ABCB11: variants seen among roughly 807,000 people sequenced by gnomAD.
The protein encoded by ABCB11 is ATP binding cassette subfamily B member 11.
A neutral mutation model predicts 148.0 loss-of-function variants in ABCB11; 95 were observed. That is an observed-to-expected ratio of 0.64 (90% confidence interval 0.54 to 0.76). ABCB11 has a LOEUF of 0.76. Among genes scored for constraint, ABCB11 ranks in the 30% least tolerant of loss-of-function variants. ABCB11 has a pLI of 0.00. For missense variants in ABCB11, 1,523 were observed against 1,617.8 expected (o/e 0.94, Z 1.01); for synonymous variants, 591 against 555.4 (o/e 1.06, Z -0.90).
rs370178660 is a variant in ABCB11 at position 168,923,982 on chromosome 2, C to T, written c.3766-160G>A. Reference sequence around the variant, plus strand: ...GGATTAAGCAAGTATTCCCTGAATGCAATGCATCAGTGATTTCAATGGCAG... The same window carrying T: ...GGATTAAGCAAGTATTCCCTGAATGTAATGCATCAGTGATTTCAATGGCAG... On this transcript the variant is annotated intron_variant, in intron 27 of 27. Transcript: ENST00000650372. Among the ~76,000 whole-genome samples, 29 of 152,228 alleles carry T rather than the reference C, an allele frequency of 1.9e-4. No individual in the cohort carries two copies. The East Asian group carries it at 2.1e-3, about 11-fold the overall frequency.
chr2:168,950,021 G>C (rs1389610375), intron 19 of ABCB11, among the ~76,000 whole-genome samples: 1 of 150,988 alleles, frequency 6.6e-6, no homozygotes, highest in East Asian at 2.0e-4. Context: ...GGCCTTCCTT[G>C]CCCCTCAAGC....
downstream of ABCB11, among the ~76,000 whole-genome samples, chr2:168,919,624 ATT>A (rs774341336): frequency 0.028 from 3,512 of 125,454 alleles, 138 homozygotes; most frequent in African/African-American, 0.095. Context: ...CTGTGACCTT[ATT>A]TTTTAAAAAA....
chr2:168,959,164 T>A (rs1267405664), intron 18 of ABCB11, among the ~76,000 whole-genome samples: 1 of 151,696 alleles, frequency 6.6e-6, no homozygotes, highest in Non-Finnish European at 1.5e-5. Flanking sequence ...CTGTGTCATG[T>A]CCATTTCATT....
At chr2:168,931,968 C>T (rs1412520781) in intron 24 of ABCB11, among the ~76,000 whole-genome samples, 1 of 152,156 alleles carries the variant, frequency 6.6e-6, no homozygotes. Context: ...CACACATACG[C>T]ACAACCTTAC....
At chr2:168,986,333 T>A in intron 9 of ABCB11, 49 bp from the exon 10 acceptor site, 1 of 1,517,774 alleles carries the variant, frequency 6.6e-7, no homozygotes, top group Non-Finnish European at 9.1e-7. Flanking sequence ...CAGCTCAAGT[T>A]ATAATGTTTA....
chr2:168,989,324 A>G (rs768766450), intron 9 of ABCB11, among the ~76,000 whole-genome samples: 5 of 152,040 alleles, frequency 3.3e-5, no homozygotes, highest in Non-Finnish European at 5.9e-5. Context: ...TAAGGATCAA[A>G]TTTCATTCTT....
chr2:168,987,594 T>A (rs1361531488), intron 9 of ABCB11, among the ~76,000 whole-genome samples: 1 of 152,096 alleles, frequency 6.6e-6, no homozygotes, highest in Non-Finnish European at 1.5e-5. Flanking sequence ...CATGTCTGGT[T>A]AATTTCTGTA....
intron 5 of ABCB11, among the ~76,000 whole-genome samples, chr2:169,007,964 G>T (rs572671383): frequency 6.6e-6 from 1 of 152,020 alleles, no homozygotes; most frequent in Non-Finnish European, 1.5e-5. Flanking sequence ...TTTTAAAAAG[G>T]GCTGAATACA....
chr2:168,994,142 C>A (rs1282364079), intron 7 of ABCB11, among the ~76,000 whole-genome samples: 1 of 151,964 alleles, frequency 6.6e-6, no homozygotes, highest in African/African-American at 2.4e-5. Flanking sequence ...TTTTGGAAAC[C>A]ATCTTATTTG....
At chr2:169,011,897 T>C (rs146210861) in intron 5 of ABCB11, among the ~76,000 whole-genome samples, 27 of 152,268 alleles carry the variant, frequency 1.8e-4, no homozygotes, top group African/African-American at 6.5e-4. Context: ...ACTTCTGGGC[T>C]CAAACAATCC....
intron 17 of ABCB11, among the ~76,000 whole-genome samples, chr2:168,967,391 T>C (rs1693365801): frequency 6.6e-6 from 1 of 152,024 alleles, no homozygotes; most frequent in Admixed American, 6.6e-5. Flanking sequence ...TTCAAACTGA[T>C]AAGGAAAAGA....
chr2:168,988,429 G>A (rs1694401444), intron 9 of ABCB11, among the ~76,000 whole-genome samples: 2 of 152,034 alleles, frequency 1.3e-5, no homozygotes, highest in Admixed American at 6.6e-5. Context: ...GCAAATAACA[G>A]TATTTTCTTC....
chr2:168,938,473 G>A (rs482508), intron 21 of ABCB11, among the ~76,000 whole-genome samples: 72,648 of 151,960 alleles, frequency 0.48, 17,756 homozygotes, highest in African/African-American at 0.56. Flanking sequence ...GAGTAGTCAG[G>A]TTCATAGACA....
intron 17 of ABCB11, 29 bp downstream of exon 17, chr2:168,968,398 T>C (rs750670193): frequency 1.2e-6 from 2 of 1,601,910 alleles, no homozygotes; most frequent in Non-Finnish European, 8.5e-7. Flanking sequence ...TTTGGAAAGC[T>C]TGTAATCTGC....
rs77774326 is a variant in ABCB11 at position 169,011,629 on chromosome 2, G to T, written c.389+1643C>A. On this transcript the variant is annotated intron_variant, in intron 5 of 27. Coordinates refer to ENST00000650372, the MANE Select transcript of ABCB11 (RefSeq NM_003742.4). ...CTGCATATGTTTTTAAATGATCATT[G>T]ACTGAATGATGGCTTACTAGGCTTA... Among the ~76,000 whole-genome samples, 1,422 of 152,190 alleles carry T rather than the reference G, an allele frequency of 9.3e-3. 25 individuals are homozygous for T. The highest frequency in any genetic ancestry group is 0.03 in the African/African-American group (1,263 of 41,534).
chr2:168,927,213 T>G lies in ABCB11; in HGVS notation c.3561A>C (p.Arg1187Ser). ...GAGCCTGTTTTGCAGCTGCTATGAC[T>G]CTTTCCATGGGAATTTCTTTGGTGT... ...GDNTKEIPME[R>S]VIAAAKQAQL... Residue 1187 changes from arginine (R) to serine (S), a missense_variant, in exon 26 of 28, where the codon AGA becomes AGC. Arg to Ser is a moderately radical substitution (Grantham distance 110, BLOSUM62 -1). Coordinates refer to ENST00000650372, the MANE Select transcript of ABCB11 (RefSeq NM_003742.4). 1 of 1,613,934 alleles carries G rather than the reference T, an allele frequency of 6.2e-7. No individual in the cohort carries two copies.
At chr2:169,002,944 AT>A (rs1346733885) in intron 5 of ABCB11, among the ~76,000 whole-genome samples, 1 of 152,052 alleles carries the variant, frequency 6.6e-6, no homozygotes, top group Non-Finnish European at 1.5e-5. Context: ...ACATTTTATT[AT>A]TTTTAAAAAA....
At chr2:168,939,293 C>T (rs1293133831) in intron 21 of ABCB11, among the ~76,000 whole-genome samples, 1 of 152,006 alleles carries the variant, frequency 6.6e-6, no homozygotes, top group Non-Finnish European at 1.5e-5. Flanking sequence ...TGAAAAGCAA[C>T]TCTAAAGTTT....
rs11568367 is a variant in ABCB11, at chr2:168,970,082, T to C, written c.1772A>G (p.Asn591Ser). Residue 591 changes from asparagine (N) to serine (S), a missense_variant, in exon 15 of 28, where the codon AAT (asparagine) becomes AGT (serine). Asn to Ser is a conservative substitution (Grantham distance 46, BLOSUM62 1). Coordinates refer to ENST00000650372, the MANE Select transcript of ABCB11 (RefSeq NM_003742.4). ...TTCTTGCACCATGGCTTCACTCTCA[T>C]TGTCCAGAGCTGAGGTGGCCATGTC... is the stretch of plus-strand genomic sequence containing the variant. ...LLDMATSALD[N>S]ESEAMVQEVL... 6.6e-3 allele frequency: 10,608 copies of C among 1,612,642 alleles called. 640 individuals are homozygous for C. The South Asian group carries it at 0.11, about 16-fold the overall frequency.
Sources: gnomAD v4.1 joint callset for allele counts (sites outside exome capture counted in the v4.1 genomes callset) on GRCh38, gnomAD v4.1.1 for gene constraint, MANE v1.5 for transcripts, NCBI Gene and HGNC (gene_info 2026-07-23, HGNC 2026-07-21) for gene names.